The following TTLL12 variants were observed in gnomAD, a reference collection of about 807,000 sequenced individuals.
TTLL12 encodes tubulin--tyrosine ligase-like protein 12.
Under a neutral mutation model 79.6 loss-of-function variants are expected in TTLL12, and 77 were observed. The ratio of observed to expected loss-of-function variants is 0.97; its 90% CI spans 0.81 to 1.17. The LOEUF (loss-of-function observed/expected upper bound fraction) is 1.17. Ranked by LOEUF, TTLL12 falls within the 50% of genes most tolerant of loss-of-function variation. The pLI is 0.00. For synonymous variants in TTLL12, 437 were observed against 376.1 expected (o/e 1.16, Z -1.87); for missense variants, 969 against 895.9 (o/e 1.08, Z -1.04).
At position 43,173,761 on chromosome 22, in the gene TTLL12, G is replaced by C; in HGVS notation, c.1295C>G (p.Thr432Ser). 1.9e-6 allele frequency: 3 copies of C among 1,604,746 alleles called. No homozygotes were observed. Among genetic ancestry groups the C allele is most frequent in the Non-Finnish European group, 2.5e-6 (3 of 1,179,942 alleles). Residue 432 changes from threonine to serine, a missense_variant, in exon 9 of 14, where the codon ACC becomes AGC. Physicochemically the swap from Thr to Ser is moderately conservative, Grantham distance 58. Coordinates refer to ENST00000216129, the MANE Select transcript of TTLL12 (RefSeq NM_015140.4). ...CCGGATGATGCTGTGCAGGCTCTTG[G>C]TGACGTGGGTGTCCAGGCTGCGCGC... ...NLARSLDTHVTKSLHSIIRHR... is the reference protein window; with the variant it reads ...NLARSLDTHVSKSLHSIIRHR...
intron 2 of TTLL12, among the ~76,000 whole-genome samples, chr22:43,182,007 G>A (rs1003618554): frequency 9.4e-6 from 1 of 106,240 alleles, no homozygotes; most frequent in African/African-American, 5.6e-5. Flanking sequence ...ATGAAGGCCC[G>A]GAAGCAGAAA....
At chr22:43,171,658 T>C (rs1470449458) in intron 11 of TTLL12, 161 bp downstream of exon 11, 3 of 595,842 alleles carry the variant, frequency 5.0e-6, no homozygotes, top group African/African-American at 1.9e-5. Flanking sequence ...GCCTGGCTCA[T>C]GATGGCAGCG....
chr22:43,177,475 G>A (rs1231055564), intron 5 of TTLL12, among the ~76,000 whole-genome samples: 2 of 152,200 alleles, frequency 1.3e-5, no homozygotes, highest in African/African-American at 4.8e-5. Context: ...TGGGCCTAAT[G>A]AGTTGCTTCT....
intron 1 of TTLL12, among the ~76,000 whole-genome samples, chr22:43,185,529 G>C (rs1932162357): frequency 6.6e-6 from 1 of 152,144 alleles, no homozygotes; most frequent in African/African-American, 2.4e-5. Context: ...CTGGGGAAGG[G>C]TCACGGAAAA....
chr22:43,169,123 C>T (rs1034481546), intron 12 of TTLL12, among the ~76,000 whole-genome samples: 7 of 152,216 alleles, frequency 4.6e-5, no homozygotes, highest in East Asian at 3.8e-4. Context: ...CATCTCCTGC[C>T]GCAGACCCCG....
chr22:43,183,035 A>G lies in TTLL12; in HGVS notation c.292T>C (p.Cys98Arg). 1 of 1,613,954 alleles carries G rather than the reference A, an allele frequency of 6.2e-7. No individual in the cohort carries two copies. The highest frequency in any genetic ancestry group is 1.3e-5 in the African/African-American group (1 of 75,030). Reference protein sequence around the residue: ...KQQPNPGNELCYKVIVTRESG... With the variant: ...KQQPNPGNELRYKVIVTRESG... ...TCCCTGGTCACGATGACCTTGTAGC[A>G]CAGCTCGTTCCCCGGGTTGGGCTGC... The change falls in exon 2 of 14, where the codon TGC becomes CGC. Residue 98 changes from cysteine to arginine, a missense_variant. Coordinates refer to ENST00000216129, the MANE Select transcript of TTLL12 (RefSeq NM_015140.4).
In TTLL12 at chr22:43,167,397, G is replaced by C. The variant is rs1216462987; in HGVS notation, c.*611C>G. The C allele has an allele frequency of 3.2e-6, 1 of 307,808 alleles. No individual in the cohort carries two copies. Among genetic ancestry groups the C allele is most frequent in the South Asian group, 2.7e-5 (1 of 36,630 alleles). The allele number at this position is 307,808 out of a possible 1,614,324, so 19.1% of individuals were successfully genotyped here. A position where few individuals can be genotyped will look rare whatever the true frequency, so the allele number is the denominator to read the frequency against. On this transcript the variant is annotated 3_prime_UTR_variant, in exon 14 of 14. Transcript: ENST00000216129. ...CTCAGCAGGAGGTTTGCTGGTGAAG[G>C]TTCTGGGTGAGCTGGAATGGGTGAT...
chr22:43,173,922 C>T, intron 8 of TTLL12, 96 bp from the exon 9 acceptor site: 1 of 1,191,528 alleles, frequency 8.4e-7, no homozygotes. Flanking sequence ...CAGCCCACTT[C>T]TCCTTGGGAG....
intron 5 of TTLL12, among the ~76,000 whole-genome samples, chr22:43,177,941 G>C (rs907375980): frequency 6.6e-6 from 1 of 152,166 alleles, no homozygotes; most frequent in Non-Finnish European, 1.5e-5. Context: ...AGGGTCAAAT[G>C]GGAAAAAACA....
In TTLL12 at chr22:43,168,154, G is replaced by A. The variant is rs1424030703; in HGVS notation, c.1789C>T (p.Arg597Trp). The change falls in exon 14 of 14, where the codon CGG becomes TGG. Residue 597 changes from arginine (R) to tryptophan (W), a missense_variant. By Grantham distance (101) the Arg-to-Trp change is moderately radical. Coordinates refer to ENST00000216129, the MANE Select transcript of TTLL12 (RefSeq NM_015140.4). ...LKWDNGPDGR[R>W]VMQPQILEVN... ...TCCAGGATCTGCGGCTGCATCACCCGCCTTCCTGATGGCAAAGAGCGCAGC... is the reference window on the plus strand; with the variant it reads ...TCCAGGATCTGCGGCTGCATCACCCACCTTCCTGATGGCAAAGAGCGCAGC... 11 of 1,613,840 alleles carry A rather than the reference G, an allele frequency of 6.8e-6. No homozygotes were observed. Among genetic ancestry groups the A allele is most frequent in the South Asian group, 2.2e-5 (2 of 91,086 alleles).
chr22:43,174,700 T>C, intron 6 of TTLL12, 85 bp from the exon 7 acceptor site: 1 of 984,532 alleles, frequency 1.0e-6, no homozygotes, highest in Non-Finnish European at 1.5e-6. Flanking sequence ...AGGGACTCCC[T>C]TCCCTGTTTT....
intron 5 of TTLL12, among the ~76,000 whole-genome samples, chr22:43,178,542 C>T (rs1031468470): frequency 2.6e-5 from 4 of 152,062 alleles, no homozygotes; most frequent in Admixed American, 1.3e-4. Flanking sequence ...AGGATGGTCT[C>T]GATCTCCTGA....
chr22:43,182,048 T>C (rs1157616999), intron 2 of TTLL12, among the ~76,000 whole-genome samples: 1 of 128,888 alleles, frequency 7.8e-6, no homozygotes, highest in East Asian at 1.9e-4. Flanking sequence ...CGGAAGCAGG[T>C]GGGGCTGAAA....
At chr22:43,180,250 T>C (rs138946) in intron 3 of TTLL12, among the ~76,000 whole-genome samples, 6 of 151,968 alleles carry the variant, frequency 3.9e-5, no homozygotes, top group Admixed American at 3.9e-4. Flanking sequence ...AACAAGGCAC[T>C]CAGCCCAGCA....
chr22:43,185,291 ATATATATATG>A (rs1569488239), intron 1 of TTLL12, among the ~76,000 whole-genome samples: 17 of 84,576 alleles, frequency 2.0e-4, no homozygotes, highest in Non-Finnish European at 1.3e-4. Flanking sequence ...ATATATATAT[ATATATATATG>A]TATGTATCTT....
At position 43,171,931 on chromosome 22, in the gene TTLL12, T is replaced by A. The variant is rs114362197; in HGVS notation, c.1494-31A>T. 7.0e-4 allele frequency: 1,119 copies of A among 1,602,772 alleles called. 9 individuals are homozygous for A. In the African/African-American group the frequency reaches 0.013, roughly 18 times the overall value. ...AGACAAGTGTGCAGACACATATGGG[T>A]TCTTGAGCGGCCTTGTCCCTGCGAG... On this transcript the variant is annotated intron_variant, in intron 10 of 13. Coordinates refer to ENST00000216129, the MANE Select transcript of TTLL12 (RefSeq NM_015140.4).
Position 43,179,764 on chromosome 22 carries a change from C to A in TTLL12, c.707-12G>T. 6.4e-7 allele frequency: 1 copy of A among 1,556,814 alleles called. No individual in the cohort carries two copies. Among genetic ancestry groups the A allele is most frequent in the Non-Finnish European group, 8.7e-7 (1 of 1,149,168 alleles). On this transcript the variant is annotated splice_polypyrimidine_tract_variant and intron_variant, in intron 4 of 13. Coordinates refer to ENST00000216129, the MANE Select transcript of TTLL12 (RefSeq NM_015140.4). The stretch of plus-strand genomic sequence containing the variant: ...TCGGGTCACCTCCTCTGTGCCAAGA[C>A]ATGAGTGCCCATCAGAGGGGGTGAC...
At chr22:43,177,784 G>C (rs749144765) in intron 5 of TTLL12, among the ~76,000 whole-genome samples, 3 of 152,228 alleles carry the variant, frequency 2.0e-5, no homozygotes, top group Non-Finnish European at 4.4e-5. Context: ...ACCCCGTTGA[G>C]CCACTCCTGA....
chr22:43,176,303 G>GA lies in TTLL12; in HGVS notation c.917+16_917+17insT. 1 of 1,209,134 alleles carries GA rather than the reference G, an allele frequency of 8.3e-7. No homozygotes were observed. The highest frequency in any genetic ancestry group is 1.1e-6 in the Non-Finnish European group (1 of 899,590). 74.9% of individuals were successfully genotyped at this position (1,209,134 alleles called of 1,614,324 possible). ...GCGGACAAGTCCCAGCCCAAGCAGT[G>GA]GGGGGGGGCTACGCACTTGAAGATG... On this transcript the variant is annotated intron_variant, in intron 6 of 13. Coordinates refer to ENST00000216129, the MANE Select transcript of TTLL12 (RefSeq NM_015140.4).
Sources: allele counts gnomAD v4.1 joint callset (sites outside exome capture counted in the v4.1 genomes callset), GRCh38; gene constraint gnomAD v4.1.1; transcripts MANE v1.5; gene names NCBI Gene and HGNC (gene_info 2026-07-23, HGNC 2026-07-21).